DCC: variants seen among roughly 807,000 people sequenced by gnomAD.
DCC encodes netrin receptor DCC.
A neutral mutation model predicts 172.5 loss-of-function variants in DCC; 58 were observed. That is an observed-to-expected ratio of 0.34 (90% confidence interval 0.27 to 0.42). The LOEUF is 0.42. DCC is among the 10% of genes least tolerant of loss of function. The probability of loss-of-function intolerance (pLI) is 1.00; values close to 1 mark genes in which losing one functional copy is unlikely to be tolerated. For missense variants in DCC, 1,740 were observed against 1,791.0 expected, an observed-to-expected ratio of 0.97 and a Z score of 0.51; for synonymous variants, 709 against 644.5, an observed-to-expected ratio of 1.10 and a Z score of -1.52.
chr18:52,529,537 G>A (rs1018622109), intron 1 of DCC, among the ~76,000 whole-genome samples: 3 of 152,082 alleles, frequency 2.0e-5, no homozygotes, highest in African/African-American at 7.2e-5. Context: ...TGATCCACCC[G>A]CCTCGGCCTC....
chr18:52,967,428 C>CA (rs1174460711), intron 5 of DCC, among the ~76,000 whole-genome samples: 1 of 152,166 alleles, frequency 6.6e-6, no homozygotes, highest in African/African-American at 2.4e-5. Flanking sequence ...CCAAGGCAAC[C>CA]AAGTGTATAA....
chr18:53,397,496 G>C, intron 18 of DCC, 50 bp downstream of exon 18: 1 of 1,607,266 alleles, frequency 6.2e-7, no homozygotes, highest in Non-Finnish European at 8.5e-7. Context: ...TGTTTCCCAG[G>C]TTCTGTGGAA....
intron 1 of DCC, among the ~76,000 whole-genome samples, chr18:52,745,501 A>G (rs8097428): frequency 0.77 from 116,961 of 151,988 alleles, 46,993 homozygotes; most frequent in East Asian, 0.91. Flanking sequence ...ATGTATTTTT[A>G]TTTTTAATTG....
intron 5 of DCC, among the ~76,000 whole-genome samples, chr18:52,930,426 C>A (rs1194928410): frequency 1.3e-5 from 2 of 152,092 alleles, no homozygotes; most frequent in Non-Finnish European, 2.9e-5. Flanking sequence ...GATCCTGTAT[C>A]TACAAAAACA....
chr18:52,427,835 T>TCTTTCTTCCTTCCTTC (rs1987487028), intron 1 of DCC, among the ~76,000 whole-genome samples: 3 of 46,062 alleles, frequency 6.5e-5, no homozygotes, highest in African/African-American at 1.8e-4. Flanking sequence ...TTCCTTCCTT[T>TCTTTCTTCCTTCCTTC]CTTCCTTCCT....
Position 53,517,191 on chromosome 18 carries a change from C to G in DCC, c.4112-9426C>G, listed in dbSNP as rs553393572. Among the ~76,000 whole-genome samples the G allele has an allele frequency of 4.7e-3, 670 of 143,300 alleles. 1 individual carries two copies. Among genetic ancestry groups the G allele is most frequent in the Middle Eastern group, 0.01 (3 of 286 alleles). The allele number at this position is 143,300 out of a possible 152,430, so 94.0% of individuals were successfully genotyped here. On this transcript the variant is annotated intron_variant, in intron 27 of 28. Transcript: ENST00000442544. ...GAAATCATCATTCTCAGTAAACTAT[C>G]GCAAGAACAAAAAACCAAACACCGC... is the stretch of plus-strand genomic sequence containing the variant.
At chr18:52,792,779 C>T (rs997861841) in intron 2 of DCC, among the ~76,000 whole-genome samples, 1 of 150,544 alleles carries the variant, frequency 6.6e-6, no homozygotes, top group African/African-American at 2.5e-5. Context: ...TATTCCATTC[C>T]ATTCCATTCC....
At chr18:52,787,900 A>C (rs2037688811) in intron 2 of DCC, among the ~76,000 whole-genome samples, 1 of 152,146 alleles carries the variant, frequency 6.6e-6, no homozygotes, top group Non-Finnish European at 1.5e-5. Flanking sequence ...TTAGTTTATT[A>C]ATGTTAACCC....
chr18:52,963,828 G>T (rs928404922), intron 5 of DCC, among the ~76,000 whole-genome samples: 7 of 145,630 alleles, frequency 4.8e-5, no homozygotes, highest in African/African-American at 1.5e-4. Flanking sequence ...ATTATCTCTA[G>T]TTTTTTTTTT....
intron 7 of DCC, among the ~76,000 whole-genome samples, chr18:53,154,109 C>A (rs1293200959): frequency 6.6e-6 from 1 of 152,118 alleles, no homozygotes; most frequent in Non-Finnish European, 1.5e-5. Context: ...GAATCACCCT[C>A]AACAAATGAT....
At chr18:52,399,915 A>G (rs1022208999) in intron 1 of DCC, among the ~76,000 whole-genome samples, 4 of 152,110 alleles carry the variant, frequency 2.6e-5, no homozygotes, top group Middle Eastern at 6.8e-3. Flanking sequence ...TATATGAATG[A>G]ATTTATCAAA....
intron 1 of DCC, among the ~76,000 whole-genome samples, chr18:52,416,031 C>G (rs1484870095): frequency 6.6e-6 from 1 of 152,048 alleles, no homozygotes; most frequent in Non-Finnish European, 1.5e-5. Context: ...TTTCCCTCTA[C>G]ACACTGCTTT....
At chr18:53,036,052 T>G (rs1230449693) in intron 5 of DCC, among the ~76,000 whole-genome samples, 1 of 152,070 alleles carries the variant, frequency 6.6e-6, no homozygotes, top group Non-Finnish European at 1.5e-5. Context: ...GAGGGCTCTT[T>G]ATACATCTTA....
Position 52,911,845 on chromosome 18 carries a change from A to G in DCC, c.697+5517A>G, listed in dbSNP as rs116258174. Among the ~76,000 whole-genome samples, 314 of 152,010 alleles carry G rather than the reference A, an allele frequency of 2.1e-3. 1 individual carries two copies. The highest frequency in any genetic ancestry group is 7.2e-3 in the African/African-American group (297 of 41,506). On this transcript the variant is annotated intron_variant, in intron 3 of 28. Transcript: ENST00000442544. ...ATAAACAGGGTGCACTTAGCCTTTCATAGATTTAAGATGGATAAAATGATT... is the reference window on the plus strand; with the variant it reads ...ATAAACAGGGTGCACTTAGCCTTTCGTAGATTTAAGATGGATAAAATGATT...
intron 21 of DCC, among the ~76,000 whole-genome samples, chr18:53,431,896 G>C (rs914661543): frequency 1.3e-5 from 2 of 151,946 alleles, no homozygotes; most frequent in African/African-American, 2.4e-5. Flanking sequence ...CTTTATTTGA[G>C]GGAAGAAAAC....
chr18:53,303,594 G>A (rs367643310), intron 12 of DCC, among the ~76,000 whole-genome samples: 1 of 152,186 alleles, frequency 6.6e-6, no homozygotes, highest in African/African-American at 2.4e-5. Context: ...TGCAGGATAT[G>A]TGACACCGGT....
At chr18:53,305,358 A>G (rs1293038664) in intron 12 of DCC, among the ~76,000 whole-genome samples, 1 of 152,240 alleles carries the variant, frequency 6.6e-6, no homozygotes, top group African/African-American at 2.4e-5. Context: ...AGAGGTGATA[A>G]TGCATTCAAT....
intron 7 of DCC, among the ~76,000 whole-genome samples, chr18:53,094,650 A>T (rs2043059326): frequency 1.3e-5 from 2 of 152,228 alleles, no homozygotes; most frequent in African/African-American, 2.4e-5. Context: ...CTTCATAAGA[A>T]TGCATGCAGC....
At chr18:53,272,707 T>C (rs778912025) in intron 12 of DCC, among the ~76,000 whole-genome samples, 4 of 152,160 alleles carry the variant, frequency 2.6e-5, no homozygotes, top group Non-Finnish European at 4.4e-5. Context: ...TTTCGTATAT[T>C]TTTCAAAATC....
Sources: allele counts gnomAD v4.1 joint callset (sites outside exome capture counted in the v4.1 genomes callset), GRCh38; gene constraint gnomAD v4.1.1; transcripts MANE v1.5; gene names NCBI Gene and HGNC (gene_info 2026-07-23, HGNC 2026-07-21).